The following MYO1F variants were observed in gnomAD, a reference collection of about 807,000 sequenced individuals.
MYO1F encodes unconventional myosin-If.
Under a neutral mutation model 146.6 loss-of-function variants are expected in MYO1F, and 60 were observed. That is an observed-to-expected ratio of 0.41 (90% CI 0.33 to 0.51). MYO1F has a LOEUF of 0.51. MYO1F is among the 20% of genes least tolerant of loss of function. The pLI, the probability that MYO1F is intolerant of heterozygous loss-of-function variation, is 0.25. For missense variants in MYO1F, 1,274 were observed against 1,534.3 expected (o/e 0.83, Z 2.83); for synonymous variants, 602 against 602.1 (o/e 1.00, Z 0.00).
chr19:8,541,974 G>A lies in MYO1F; in HGVS notation c.1542C>T (p.Ser514=), dbSNP rs1031612510. 6.8e-6 allele frequency: 11 copies of A among 1,613,216 alleles called. No individual in the cohort carries two copies. Among genetic ancestry groups the A allele is most frequent in the African/African-American group, 2.7e-5 (2 of 74,894 alleles). Residue 514 remains serine, a synonymous_variant, in exon 15 of 28, where the codon AGC becomes AGT. Transcript: ENST00000644032. ...HYAGKVSYDV[S]GFCERNRDVL... The stretch of plus-strand genomic sequence containing the variant: ...CGTCTCGGTTCCTCTCGCAGAAGCC[G>A]CTGACGTCGTAGGAGACCTGGAGGG...
chr19:8,526,336 ACAAAACT>A, intron 24 of MYO1F, 110 bp downstream of exon 24: 1 of 1,468,474 alleles, frequency 6.8e-7, no homozygotes. Context: ...TAAAAAAACC[ACAAAACT>A]CAAAAGTCTC....
At position 8,577,165 on chromosome 19, in the gene MYO1F, G is replaced by A. The variant is rs370325004; in HGVS notation, c.3+142C>T. 22 of 976,566 alleles carry A rather than the reference G, an allele frequency of 2.3e-5. No homozygotes were observed. In the African/African-American group the frequency reaches 2.9e-4, roughly 13 times the overall value. 60.5% of individuals were successfully genotyped at this position (976,566 alleles called of 1,614,324 possible). On this transcript the variant is annotated intron_variant, in intron 1 of 27. Transcript: ENST00000644032. This position sits in a 1 kb window ranked among gnomAD's most constrained non-coding sequence, Gnocchi z 4.3. ...AAGGGATGCTGGAGGCACCTGAGCT[G>A]CACTGAGAGACACCCCACCCCCACA...
intron 1 of MYO1F, among the ~76,000 whole-genome samples, chr19:8,571,624 G>A (rs1396210597): frequency 6.8e-6 from 1 of 147,830 alleles, no homozygotes; most frequent in Non-Finnish European, 1.5e-5. Context: ...TTGAGACGGA[G>A]TCTTGCTCTC....
chr19:8,531,245 G>A (rs554513240), intron 19 of MYO1F, among the ~76,000 whole-genome samples: 2 of 149,726 alleles, frequency 1.3e-5, no homozygotes, highest in South Asian at 4.2e-4. Flanking sequence ...TACTCAGGAG[G>A]CTGAGGCAGG....
intron 15 of MYO1F, among the ~76,000 whole-genome samples, chr19:8,541,556 G>A (rs913853621): frequency 2.0e-5 from 3 of 150,756 alleles, no homozygotes; most frequent in African/African-American, 7.3e-5. Flanking sequence ...CACCTCCTGA[G>A]TAGCTGGAAT....
intron 25 of MYO1F, among the ~76,000 whole-genome samples, chr19:8,524,572 G>A (rs767014430): frequency 7.7e-5 from 11 of 142,558 alleles, no homozygotes; most frequent in Non-Finnish European, 1.5e-4. Context: ...GTGACAGAGC[G>A]AGACTGTCTC....
intron 1 of MYO1F, among the ~76,000 whole-genome samples, chr19:8,574,575 CTTTCTCTCTCTCTCTCTCTCT>C (rs1568380881): frequency 0.021 from 1,945 of 92,766 alleles, 30 homozygotes; most frequent in Middle Eastern, 0.024. Context: ...TTCTTTCTTT[CTTTCTCTCTCTCTCTCTCTCT>C]CTTTCTTTCT....
chr19:8,533,396 T>C (rs2967592), intron 19 of MYO1F, among the ~76,000 whole-genome samples: 32,702 of 141,624 alleles, frequency 0.23, 5,336 homozygotes, highest in African/African-American at 0.47. Context: ...GCTCTGTCGC[T>C]CAGGCTGGAG....
At position 8,521,255 on chromosome 19, in the gene MYO1F, G is replaced by A; in HGVS notation, c.*273C>T. 2 of 511,302 alleles carry A rather than the reference G, an allele frequency of 3.9e-6. No individual in the cohort carries two copies. Among genetic ancestry groups the A allele is most frequent in the East Asian group, 7.0e-5 (2 of 28,374 alleles). 31.7% of individuals were successfully genotyped at this position (511,302 alleles called of 1,614,324 possible). A position where few individuals can be genotyped will look rare whatever the true frequency, so the allele number is the denominator to read the frequency against. On this transcript the variant is annotated 3_prime_UTR_variant, in exon 28 of 28. Coordinates refer to ENST00000644032, the MANE Select transcript of MYO1F (RefSeq NM_012335.4). ...CCCATTTCTTAATCACATGGCAGTT[G>A]GGAGGTAGATTCTGCTGTTAGTCCC...
intron 1 of MYO1F, among the ~76,000 whole-genome samples, chr19:8,574,569 TTCTTTCTTTC>T (rs57312139): frequency 7.5e-4 from 65 of 86,844 alleles, no homozygotes; most frequent in African/African-American, 3.4e-3. Flanking sequence ...CTTTCTTTCT[TTCTTTCTTTC>T]TCTCTCTCTC....
chr19:8,554,753 G>A lies in MYO1F; in HGVS notation c.142-10C>T, dbSNP rs554887163. The stretch of plus-strand genomic sequence containing the variant: ...CAGAGCCGATGTAGGTCTGAGGGAT[G>A]GTTAAGGGTCGTGTGGTGTCCTGGT... On this transcript the variant is annotated splice_polypyrimidine_tract_variant and intron_variant, in intron 2 of 27. Coordinates refer to ENST00000644032, the MANE Select transcript of MYO1F (RefSeq NM_012335.4). The A allele has an allele frequency of 2.8e-5, 45 of 1,613,380 alleles. 1 individual carries two copies. The South Asian group carries it at 4.7e-4, about 17-fold the overall frequency.
chr19:8,524,189 GGC>G (rs955329947), intron 25 of MYO1F, among the ~76,000 whole-genome samples: 4 of 150,988 alleles, frequency 2.6e-5, no homozygotes, highest in Non-Finnish European at 5.9e-5. Flanking sequence ...GGGAGGCCGA[GGC>G]GGGTGGATCA....
rs1972109514 is a variant in MYO1F, at chr19:8,522,666, T to C, written c.3018A>G (p.Glu1006=). Residue 1006 remains glutamate (E), a synonymous_variant, in exon 26 of 28, where the codon GAA becomes GAG. Transcript: ENST00000644032. Reference sequence around the variant, plus strand: ...TGCCCTGGTCAGGCACGTTGAGGAATTCTGTGTTGTGCTCTGAGGGCGGAC... The same window carrying C: ...TGCCCTGGTCAGGCACGTTGAGGAACTCTGTGTTGTGCTCTGAGGGCGGAC... ...RARPPSEHNT[E]FLNVPDQGMA... 10 of 1,613,664 alleles carry C rather than the reference T, an allele frequency of 6.2e-6. No individual in the cohort carries two copies. Among genetic ancestry groups the C allele is most frequent in the Non-Finnish European group, 8.5e-6 (10 of 1,179,818 alleles).
At chr19:8,555,561 G>T in intron 2 of MYO1F, 98 bp downstream of exon 2, 1 of 1,544,690 alleles carries the variant, frequency 6.5e-7, no homozygotes, top group Non-Finnish European at 8.9e-7. Flanking sequence ...TGCTCTCCCG[G>T]CCCATTCCTC....
In MYO1F at chr19:8,553,119, G is replaced by A. The variant is rs1248247458; in HGVS notation, c.504+20C>T. ...AGCACGGAGGGAGCAGCTGCTCCAAGCAGGTCTGCAGAGACTTACAAAGCG... is the reference window on the plus strand; with the variant it reads ...AGCACGGAGGGAGCAGCTGCTCCAAACAGGTCTGCAGAGACTTACAAAGCG... On this transcript the variant is annotated intron_variant, in intron 6 of 27. Transcript: ENST00000644032. The A allele has an allele frequency of 7.4e-6, 12 of 1,612,038 alleles. No individual in the cohort carries two copies. The South Asian group carries it at 1.2e-4, about 16-fold the overall frequency.
In MYO1F at chr19:8,530,857, T is replaced by C. The variant is rs988760190; in HGVS notation, c.2044-284A>G. On this transcript the variant is annotated intron_variant, in intron 19 of 27. Coordinates refer to ENST00000644032, the MANE Select transcript of MYO1F (RefSeq NM_012335.4). This position sits in a 1 kb window ranked among gnomAD's most constrained non-coding sequence, Gnocchi z 5.8. The stretch of plus-strand genomic sequence containing the variant: ...GAGTTTGAGACGAGCCTGACCGACA[T>C]AGTGAAACCCCATCTCTACTAAAAA... Among the ~76,000 whole-genome samples the C allele has an allele frequency of 1.3e-5, 2 of 151,972 alleles. No individual in the cohort carries two copies. Among genetic ancestry groups the C allele is most frequent in the Non-Finnish European group, 2.9e-5 (2 of 68,006 alleles).
At chr19:8,554,909 C>T (rs1247353860) in intron 2 of MYO1F, among the ~76,000 whole-genome samples, 166 bp from the exon 3 acceptor site, 2 of 151,960 alleles carry the variant, frequency 1.3e-5, no homozygotes, top group African/African-American at 4.8e-5. Flanking sequence ...GCTGGCCGGG[C>T]GCGGTGGCTC....
intron 10 of MYO1F, among the ~76,000 whole-genome samples, chr19:8,549,068 A>G (rs1973495042): frequency 6.6e-6 from 1 of 151,300 alleles, no homozygotes; most frequent in Non-Finnish European, 1.5e-5. Flanking sequence ...CTTCTGCCTC[A>G]GCCTCCCAAG....
chr19:8,576,697 G>C (rs2042244793), intron 1 of MYO1F: 1 of 160,044 alleles, frequency 6.2e-6, no homozygotes, highest in African/African-American at 2.4e-5. Flanking sequence ...GACGTATTCA[G>C]CCTCTCCTGC....
Sources: allele counts gnomAD v4.1 joint callset (sites outside exome capture counted in the v4.1 genomes callset), GRCh38; gene constraint gnomAD v4.1.1; non-coding constraint Gnocchi (gnomAD v3.1); transcripts MANE v1.5; gene names NCBI Gene and HGNC (gene_info 2026-07-23, HGNC 2026-07-21).